FSIP2: variants seen among roughly 807,000 people sequenced by gnomAD.
FSIP2 encodes fibrous sheath-interacting protein 2.
FSIP2 carries 367 observed loss-of-function variants against 510.5 expected under a neutral mutation model. That is an observed-to-expected ratio of 0.72 (90% CI 0.66 to 0.78). FSIP2 has a LOEUF of 0.78. Ranked by LOEUF, FSIP2 falls within the 30% of genes least tolerant of loss-of-function variation. The pLI is 0.00. For missense variants in FSIP2, 7,594 were observed against 7,901.7 expected (o/e 0.96, Z 1.48); for synonymous variants, 2,601 against 2,732.2 (o/e 0.95, Z 1.50).
chr2:185,747,226 G>A (rs1692051876), intron 6 of FSIP2, 87 bp from the exon 7 acceptor site: 9 of 738,894 alleles, frequency 1.2e-5, no homozygotes, highest in Non-Finnish European at 1.6e-5. Context: ...GCCCTGACTT[G>A]TTTAATATAC....
At chr2:185,764,656 G>A in intron 13 of FSIP2, 91 bp downstream of exon 13, 1 of 899,538 alleles carries the variant, frequency 1.1e-6, no homozygotes, top group East Asian at 2.8e-5. Flanking sequence ...TGTTAGATAT[G>A]GTGCTAAGTT....
Position 185,789,459 on chromosome 2 carries a change from G to A in FSIP2, c.2323G>A (p.Val775Ile), listed in dbSNP as rs1693066653. The change falls in exon 16 of 23, where the codon GTT (valine) becomes ATT (isoleucine). Residue 775 changes from valine to isoleucine, a missense_variant. By Grantham distance (29) the Val-to-Ile change is conservative. Coordinates refer to ENST00000424728, the MANE Select transcript of FSIP2 (RefSeq NM_173651.4). Reference sequence around the variant, plus strand: ...AGAGTCTGCAGTTGAGAAAAAATGTGTTGAGATGTTTTCACAAGATTTGTC... The same window carrying A: ...AGAGTCTGCAGTTGAGAAAAAATGTATTGAGATGTTTTCACAAGATTTGTC... ...KLESAVEKKC[V>I]EMFSQDLSVD... 6 of 1,534,674 alleles carry A rather than the reference G, an allele frequency of 3.9e-6. No homozygotes were observed. In the East Asian group the frequency reaches 1.5e-4, roughly 38 times the overall value.
At position 185,824,486 on chromosome 2, in the gene FSIP2, A is replaced by G; in HGVS notation, c.20473+6A>G. On this transcript the variant is annotated splice_donor_region_variant and intron_variant, in intron 20 of 22. Transcript: ENST00000424728. ...AAGTGCTAAAATATTAGAAGGTTGG[A>G]CTCCTTTTTCTTAAATTAGAGAGTA... The G allele has an allele frequency of 6.5e-7, 1 of 1,543,696 alleles. No homozygotes were observed. The highest frequency in any genetic ancestry group is 1.8e-5 in the Admixed American group (1 of 55,668).
intron 12 of FSIP2, 125 bp from the exon 13 acceptor site, chr2:185,764,377 G>T: frequency 3.8e-6 from 2 of 526,010 alleles, no homozygotes; most frequent in South Asian, 6.0e-5. Flanking sequence ...CTTATAAATT[G>T]ACATTAAAGA....
chr2:185,793,482 C>G lies in FSIP2; in HGVS notation c.6346C>G (p.Pro2116Ala). 1.3e-6 allele frequency: 2 copies of G among 1,534,328 alleles called. No individual in the cohort carries two copies. The highest frequency in any genetic ancestry group is 1.7e-6 in the Non-Finnish European group (2 of 1,145,618). The change falls in exon 16 of 23, where the codon CCC becomes GCC. Residue 2116 changes from proline to alanine, a missense_variant. Coordinates refer to ENST00000424728, the MANE Select transcript of FSIP2 (RefSeq NM_173651.4). ...LFQNNLSFATPTLKCSIADKH... is the reference protein window; with the variant it reads ...LFQNNLSFATATLKCSIADKH... Reference sequence around the variant, plus strand: ...TCAGAATAATCTCTCATTTGCCACACCCACTCTGAAATGTAGCATAGCTGA... The same window carrying G: ...TCAGAATAATCTCTCATTTGCCACAGCCACTCTGAAATGTAGCATAGCTGA...
chr2:185,786,177 A>AATT (rs1262588189), intron 14 of FSIP2, 75 bp from the exon 15 acceptor site: 3 of 913,600 alleles, frequency 3.3e-6, no homozygotes, highest in Non-Finnish European at 4.9e-6. Flanking sequence ...TGATTTCAAT[A>AATT]ATTAGAAATT....
chr2:185,819,874 C>T (rs910881059), intron 19 of FSIP2, among the ~76,000 whole-genome samples: 19 of 151,914 alleles, frequency 1.3e-4, no homozygotes, highest in East Asian at 3.9e-4. Flanking sequence ...TTTCTTGAGA[C>T]GTAACCCCAT....
chr2:185,746,387 C>T (rs1559009401), intron 5 of FSIP2, among the ~76,000 whole-genome samples: 1 of 151,896 alleles, frequency 6.6e-6, no homozygotes, highest in Non-Finnish European at 1.5e-5. Flanking sequence ...GCTTACTGTG[C>T]AAAATGTTTT....
chr2:185,795,096 G>GACA lies in FSIP2; in HGVS notation c.7963_7965dup (p.Asn2655dup). On this transcript the variant is annotated inframe_insertion, in exon 16 of 23. Coordinates refer to ENST00000424728, the MANE Select transcript of FSIP2 (RefSeq NM_173651.4). ...ACTTCCTTTAAAGGTGAGCCCTAAG[G>GACA]ACAACCCTAAGCCATGCTTTAAAGC... The GACA allele has an allele frequency of 6.5e-7, 1 of 1,534,800 alleles. No homozygotes were observed. The highest frequency in any genetic ancestry group is 8.7e-7 in the Non-Finnish European group (1 of 1,146,082).
rs2105643581 is a variant in FSIP2, at chr2:185,803,285, A to G, written c.13979A>G (p.Glu4660Gly). The change falls in exon 17 of 23, where the codon GAA becomes GGA. Residue 4660 changes from glutamate (E) to glycine (G), a missense_variant. Transcript: ENST00000424728. Reference sequence around the variant, plus strand: ...GATGAACTGTTTGAGAAAGCTGAAGAACTCATACATTTGATTACAGGGGAA... The same window carrying G: ...GATGAACTGTTTGAGAAAGCTGAAGGACTCATACATTTGATTACAGGGGAA... ...SEDELFEKAEELIHLITGEFS... is the reference protein window; with the variant it reads ...SEDELFEKAEGLIHLITGEFS... 6.5e-7 allele frequency: 1 copy of G among 1,526,832 alleles called. No individual in the cohort carries two copies. Among genetic ancestry groups the G allele is most frequent in the East Asian group, 2.5e-5 (1 of 40,798 alleles). 94.6% of individuals were successfully genotyped at this position (1,526,832 alleles called of 1,614,324 possible). A position where few individuals can be genotyped will look rare whatever the true frequency, so the allele number is the denominator to read the frequency against.
In FSIP2 at chr2:185,748,093, A is replaced by G. The variant is rs372311114; in HGVS notation, c.870+670A>G. Among the ~76,000 whole-genome samples, 8 of 152,044 alleles carry G rather than the reference A, an allele frequency of 5.3e-5. No homozygotes were observed. The South Asian group carries it at 1.0e-3, about 20-fold the overall frequency. On this transcript the variant is annotated intron_variant, in intron 7 of 22. Coordinates refer to ENST00000424728, the MANE Select transcript of FSIP2 (RefSeq NM_173651.4). ...TAGGTATGAATGTAAGATTTACACA[A>G]TTTGGTTTGTATTGACATATACTGT...
At chr2:185,772,829 CT>C (rs1407367964) in intron 13 of FSIP2, among the ~76,000 whole-genome samples, 1 of 151,356 alleles carries the variant, frequency 6.6e-6, no homozygotes, top group Admixed American at 6.6e-5. Flanking sequence ...CTCTCCTCTT[CT>C]CTTTTTCTTC....
chr2:185,799,381 C>A (rs1693369300), intron 16 of FSIP2, among the ~76,000 whole-genome samples: 1 of 151,770 alleles, frequency 6.6e-6, no homozygotes, highest in African/African-American at 2.4e-5. Context: ...CATCGCTAAG[C>A]CTGGAAATTA....
intron 16 of FSIP2, among the ~76,000 whole-genome samples, chr2:185,798,035 A>G (rs1401136366): frequency 1.3e-5 from 2 of 151,932 alleles, no homozygotes; most frequent in Admixed American, 1.3e-4. Flanking sequence ...ATAAAAATAA[A>G]TAAATGTTTT....
At chr2:185,766,518 G>A (rs1351486064) in intron 13 of FSIP2, 1 of 147,546 alleles carries the variant, frequency 6.8e-6, no homozygotes, top group African/African-American at 2.5e-5. Flanking sequence ...GACATGAACA[G>A]ACACTTCTCA....
Position 185,805,094 on chromosome 2 carries a change from G to A in FSIP2, c.15788G>A (p.Gly5263Asp), listed in dbSNP as rs760930281. ...YDHVSELAKS[G>D]KEKTQPSLYS... ...CATGTCTCTGAACTTGCTAAATCTG[G>A]TAAAGAAAAGACACAGCCTTCTCTC... The change falls in exon 17 of 23, where the codon GGT becomes GAT. Residue 5263 changes from glycine to aspartate, a missense_variant. Coordinates refer to ENST00000424728, the MANE Select transcript of FSIP2 (RefSeq NM_173651.4). 1 of 1,605,854 alleles carries A rather than the reference G, an allele frequency of 6.2e-7. No individual in the cohort carries two copies. The highest frequency in any genetic ancestry group is 1.1e-5 in the South Asian group (1 of 89,890).
chr2:185,799,029 T>C lies in FSIP2; in HGVS notation c.10391-668T>C, dbSNP rs1016374818. The stretch of plus-strand genomic sequence containing the variant: ...TTAAGTTCTGAGGAAAAAAACTGTG[T>C]TGCTCTTGGCTGCCACACCCAGCAG... On this transcript the variant is annotated intron_variant, in intron 16 of 22. Coordinates refer to ENST00000424728, the MANE Select transcript of FSIP2 (RefSeq NM_173651.4). Among the ~76,000 whole-genome samples, 7 of 151,968 alleles carry C rather than the reference T, an allele frequency of 4.6e-5. 1 individual carries two copies. In the South Asian group the frequency reaches 1.0e-3, roughly 22 times the overall value.
chr2:185,806,698 T>C lies in FSIP2; in HGVS notation c.17392T>C (p.Leu5798=), dbSNP rs766801842. 6.2e-7 allele frequency: 1 copy of C among 1,603,434 alleles called. No individual in the cohort carries two copies. The highest frequency in any genetic ancestry group is 2.2e-5 in the East Asian group (1 of 44,734). The change falls in exon 17 of 23, where the codon TTG becomes CTG. Residue 5798 remains leucine (L), a synonymous_variant. Transcript: ENST00000424728. ...TGTTATTACTGAGATGGTTAAACAATTGATCTTTTCTTCTATACCAGAAAC... is the reference window on the plus strand; with the variant it reads ...TGTTATTACTGAGATGGTTAAACAACTGATCTTTTCTTCTATACCAGAAAC... ...EDVITEMVKQ[L]IFSSIPETQI...
chr2:185,789,777 A>AG lies in FSIP2; in HGVS notation c.2642dup (p.Ser881ArgfsTer6). On this transcript the variant is annotated frameshift_variant, in exon 16 of 23. Coordinates refer to ENST00000424728, the MANE Select transcript of FSIP2 (RefSeq NM_173651.4). LOFTEE classifies it high-confidence loss of function. The stretch of plus-strand genomic sequence containing the variant: ...ATCTAGTCTTGAATCTGATGAAGCT[A>AG]GTTTAATTGTCAATGAAGAAGTACA... 1 of 1,534,328 alleles carries AG rather than the reference A, an allele frequency of 6.5e-7. No individual in the cohort carries two copies.
Sources: gnomAD v4.1 joint callset for allele counts (sites outside exome capture counted in the v4.1 genomes callset) on GRCh38, gnomAD v4.1.1 for gene constraint, MANE v1.5 for transcripts, NCBI Gene and HGNC (gene_info 2026-07-23, HGNC 2026-07-21) for gene names.